Variants in BANK1 observed in about 807,000 individuals in gnomAD.
The protein encoded by BANK1 is B cell scaffold protein with ankyrin repeats 1.
A neutral mutation model predicts 94.5 loss-of-function variants in BANK1; 95 were observed. The ratio of observed to expected loss-of-function variants is 1.00; its 90% CI spans 0.85 to 1.19. The LOEUF is 1.19. Among genes scored for constraint, BANK1 ranks in the 50% most tolerant of loss-of-function variants. BANK1 has a pLI of 0.00. For synonymous variants in BANK1, 334 were observed against 308.4 expected, an observed-to-expected ratio of 1.08 and a Z score of -0.87; for missense variants, 987 against 932.2, an observed-to-expected ratio of 1.06 and a Z score of -0.77.
rs889068594 is a variant in BANK1, at chr4:101,809,839, C to T, written c.70+18889C>T. ...AGGAACTATAGCTGAAAGCAGTGTT[C>T]GGATGGTGTGGTAGACAGAACAATG... On this transcript the variant is annotated intron_variant, in intron 1 of 16. Transcript: ENST00000322953. Among the ~76,000 whole-genome samples the T allele has an allele frequency of 3.9e-5, 6 of 152,130 alleles. No individual in the cohort carries two copies. The South Asian group carries it at 6.2e-4, about 16-fold the overall frequency.
At chr4:102,012,505 T>C (rs1409067507) in intron 7 of BANK1, among the ~76,000 whole-genome samples, 2 of 152,202 alleles carry the variant, frequency 1.3e-5, no homozygotes, top group Admixed American at 1.3e-4. Flanking sequence ...CTCTGTTTAA[T>C]TTGTCAAATA....
intron 7 of BANK1, among the ~76,000 whole-genome samples, chr4:102,006,326 T>C (rs527646028): frequency 7.2e-5 from 11 of 152,148 alleles, no homozygotes; most frequent in African/African-American, 1.2e-4. Context: ...AGCAGAGTTA[T>C]TAATAAATGC....
At chr4:101,909,137 C>T (rs1722568772) in intron 6 of BANK1, among the ~76,000 whole-genome samples, 1 of 151,996 alleles carries the variant, frequency 6.6e-6, no homozygotes, top group African/African-American at 2.4e-5. Context: ...GACTTGGAAC[C>T]AACCCAAATG....
At chr4:101,884,233 G>A (rs1329543295) in intron 5 of BANK1, among the ~76,000 whole-genome samples, 2 of 152,160 alleles carry the variant, frequency 1.3e-5, no homozygotes, top group Admixed American at 6.5e-5. Flanking sequence ...AAACACAAAC[G>A]AGTATACATC....
Position 101,918,121 on chromosome 4 carries a change from T to C in BANK1, c.1138T>C (p.Ser380Pro), listed in dbSNP as rs2148900149. ...ATCTAAGATGAAAAATATGGAGGGT[T>C]CAGACCCCGCACATATTGCTGAAAG... ...WASKMKNMEG[S>P]DPAHIAERHG... Residue 380 changes from serine (S) to proline (P), a missense_variant, in exon 7 of 17, where the codon TCA (serine) becomes CCA (proline). Transcript: ENST00000322953. 2 of 1,611,744 alleles carry C rather than the reference T, an allele frequency of 1.2e-6. No homozygotes were observed. The highest frequency in any genetic ancestry group is 2.2e-5 in the East Asian group (1 of 44,792).
chr4:102,025,172 T>C (rs1161998364), intron 8 of BANK1, 29 bp from the exon 9 acceptor site: 2 of 1,604,570 alleles, frequency 1.2e-6, no homozygotes, highest in Non-Finnish European at 1.7e-6. Flanking sequence ...TGTGTTTAAA[T>C]GAAATCATGC....
At chr4:102,059,847 C>A (rs17271413) in intron 11 of BANK1, among the ~76,000 whole-genome samples, 2 of 151,906 alleles carry the variant, frequency 1.3e-5, no homozygotes, top group African/African-American at 4.8e-5. Context: ...TAACATTTAT[C>A]TAGCTTACTG....
At chr4:101,869,803 A>G (rs1728215732) in intron 4 of BANK1, among the ~76,000 whole-genome samples, 1 of 151,988 alleles carries the variant, frequency 6.6e-6, no homozygotes, top group Non-Finnish European at 1.5e-5. Flanking sequence ...ACACTAAAAC[A>G]CAATAACTTT....
chr4:101,996,541 T>C (rs768202580), intron 7 of BANK1, among the ~76,000 whole-genome samples: 1 of 152,214 alleles, frequency 6.6e-6, no homozygotes, highest in Admixed American at 6.5e-5. Flanking sequence ...TTCATTATAT[T>C]GATTCTTCCT....
intron 1 of BANK1, among the ~76,000 whole-genome samples, chr4:101,795,864 C>A (rs1050342699): frequency 6.6e-6 from 1 of 152,168 alleles, no homozygotes; most frequent in Non-Finnish European, 1.5e-5. Flanking sequence ...TTCCCAGAAA[C>A]AGTCACCTGG....
At chr4:102,000,190 G>T (rs545783796) in intron 7 of BANK1, among the ~76,000 whole-genome samples, 1 of 152,004 alleles carries the variant, frequency 6.6e-6, no homozygotes, top group Non-Finnish European at 1.5e-5. Flanking sequence ...AGGCATGGTA[G>T]CTCACACCTG....
intron 7 of BANK1, among the ~76,000 whole-genome samples, chr4:101,926,695 G>A (rs1723163508): frequency 1.3e-5 from 2 of 151,692 alleles, no homozygotes. Context: ...ATAAAGTGGT[G>A]CGTAAAAGGA....
chr4:101,945,699 C>T (rs1723903998), intron 7 of BANK1, among the ~76,000 whole-genome samples: 1 of 151,924 alleles, frequency 6.6e-6, no homozygotes, highest in East Asian at 2.0e-4. Context: ...ATGGTTGTAT[C>T]CTGAGTATTT....
At chr4:101,905,833 A>G (rs1229779279) in intron 6 of BANK1, among the ~76,000 whole-genome samples, 2 of 152,190 alleles carry the variant, frequency 1.3e-5, no homozygotes, top group Non-Finnish European at 2.9e-5. Flanking sequence ...TGAGCAGCCG[A>G]ATCTGCAGTC....
intron 6 of BANK1, among the ~76,000 whole-genome samples, chr4:101,907,504 A>G (rs552114320): frequency 1.3e-5 from 2 of 152,364 alleles, no homozygotes; most frequent in South Asian, 4.1e-4. Context: ...AAAGACAGGG[A>G]TGCCCTCTCT....
At chr4:101,877,793 G>A (rs1728545085) in intron 5 of BANK1, among the ~76,000 whole-genome samples, 1 of 152,058 alleles carries the variant, frequency 6.6e-6, no homozygotes, top group Non-Finnish European at 1.5e-5. Context: ...GCTGAGGCAG[G>A]AGACTTGCTT....
intron 1 of BANK1, among the ~76,000 whole-genome samples, chr4:101,827,174 C>T (rs914327500): frequency 1.3e-5 from 2 of 151,730 alleles, no homozygotes; most frequent in South Asian, 2.1e-4. Flanking sequence ...TCTCAAAGTC[C>T]TCTCTCTCAC....
chr4:101,796,835 A>G (rs774206424), intron 1 of BANK1, among the ~76,000 whole-genome samples: 11 of 152,186 alleles, frequency 7.2e-5, no homozygotes, highest in Non-Finnish European at 1.3e-4. Flanking sequence ...TTAGTGAGAG[A>G]ATGGTTGGGG....
At chr4:101,922,834 G>A (rs1457197349) in intron 7 of BANK1, among the ~76,000 whole-genome samples, 1 of 151,780 alleles carries the variant, frequency 6.6e-6, no homozygotes, top group Non-Finnish European at 1.5e-5. Context: ...TGTCAGTTTT[G>A]TGCTTGAAAC....
Sources: allele counts gnomAD v4.1 joint callset (sites outside exome capture counted in the v4.1 genomes callset), GRCh38; gene constraint gnomAD v4.1.1; transcripts MANE v1.5; gene names NCBI Gene and HGNC (gene_info 2026-07-23, HGNC 2026-07-21).